The following NRXN3 variants were observed in gnomAD, a reference collection of about 807,000 sequenced individuals.
The protein encoded by NRXN3 is neurexin 3.
In NRXN3, 32 loss-of-function variants were observed where a neutral mutation model predicts 137.6. The ratio of observed to expected loss-of-function variants is 0.23; its 90% CI spans 0.18 to 0.31. The LOEUF (loss-of-function observed/expected upper bound fraction) is 0.31, where lower values mean the gene tolerates loss of function less well. Ranked by LOEUF, NRXN3 falls within the 10% of genes least tolerant of loss-of-function variation. The pLI, the probability that NRXN3 is intolerant of heterozygous loss-of-function variation, is 1.00. For synonymous variants in NRXN3, 798 were observed against 784.5 expected (o/e 1.02, Z -0.29); for missense variants, 1,574 against 2,062.5 (o/e 0.76, Z 4.59).
At chr14:78,956,441 C>A (rs2099396936) in intron 10 of NRXN3, among the ~76,000 whole-genome samples, 1 of 152,148 alleles carries the variant, frequency 6.6e-6, no homozygotes, top group African/African-American at 2.4e-5. Context: ...TCACTTGAAC[C>A]TTAGCTTGAG....
At chr14:79,023,237 G>T (rs940433655) in intron 15 of NRXN3, among the ~76,000 whole-genome samples, 1 of 151,654 alleles carries the variant, frequency 6.6e-6, no homozygotes, top group African/African-American at 2.4e-5. Context: ...TGGGGGTTTG[G>T]TGTACTTCTT....
rs570679838 is a variant in NRXN3 at position 78,181,677 on chromosome 14, G to C, written c.-704+11003G>C. Among the ~76,000 whole-genome samples, 223 of 152,266 alleles carry C rather than the reference G, an allele frequency of 1.5e-3. 2 individuals are homozygous for C. Among genetic ancestry groups the C allele is most frequent in the African/African-American group, 5.2e-3 (217 of 41,536 alleles). ...ATCAGAGTAAATCTCCGCACAACTT[G>C]AGTGTTCAGGAGCCTGTCAGCAGCA... On this transcript the variant is annotated intron_variant, in intron 1 of 20. Transcript: ENST00000335750.
intron 4 of NRXN3, among the ~76,000 whole-genome samples, chr14:78,332,218 A>G (rs2080901617): frequency 6.6e-6 from 1 of 151,996 alleles, no homozygotes. Context: ...CTCGATAAAT[A>G]TCTTTTCCCT....
chr14:79,764,221 A>G (rs568793301), intron 19 of NRXN3, among the ~76,000 whole-genome samples: 142 of 152,128 alleles, frequency 9.3e-4, no homozygotes, highest in African/African-American at 3.4e-3. Flanking sequence ...AACAGGGAAC[A>G]TCTGCCCTCA....
At chr14:78,371,643 G>C (rs889334895) in intron 4 of NRXN3, among the ~76,000 whole-genome samples, 1 of 152,164 alleles carries the variant, frequency 6.6e-6, no homozygotes, top group African/African-American at 2.4e-5. Context: ...GAGCCCAAAA[G>C]TGCTCACCCT....
chr14:78,816,940 G>A (rs1386152008), intron 10 of NRXN3, among the ~76,000 whole-genome samples: 1 of 152,092 alleles, frequency 6.6e-6, no homozygotes, highest in Non-Finnish European at 1.5e-5. Context: ...AGGGATCATT[G>A]TCATTCATGA....
chr14:78,577,695 C>T (rs1490882220), intron 4 of NRXN3, among the ~76,000 whole-genome samples: 4 of 152,112 alleles, frequency 2.6e-5, no homozygotes, highest in South Asian at 4.1e-4. Flanking sequence ...GAACTCCTGA[C>T]CTCAGGTGAT....
intron 4 of NRXN3, among the ~76,000 whole-genome samples, chr14:78,475,100 C>A (rs1258211675): frequency 6.6e-6 from 1 of 152,088 alleles, no homozygotes; most frequent in East Asian, 1.9e-4. Flanking sequence ...AAGAGTTTAA[C>A]CGATAGAGTG....
chr14:78,461,639 G>A (rs1485969401), intron 4 of NRXN3, among the ~76,000 whole-genome samples: 1 of 152,202 alleles, frequency 6.6e-6, no homozygotes, highest in Non-Finnish European at 1.5e-5. Flanking sequence ...GAGCCCTGAT[G>A]TAAGTAGAGA....
chr14:78,448,524 C>G (rs1349615624), intron 4 of NRXN3, among the ~76,000 whole-genome samples: 1 of 152,138 alleles, frequency 6.6e-6, no homozygotes, highest in Non-Finnish European at 1.5e-5. Context: ...GCAGTTTTTC[C>G]TAGGCTAGTC....
At chr14:78,293,895 G>C (rs1048950571) in intron 3 of NRXN3, among the ~76,000 whole-genome samples, 1 of 152,174 alleles carries the variant, frequency 6.6e-6, no homozygotes, top group East Asian at 1.9e-4. Context: ...CATGTACCTG[G>C]CAGTGTCCTG....
intron 8 of NRXN3, among the ~76,000 whole-genome samples, chr14:78,726,849 G>A (rs184365011): frequency 6.6e-6 from 1 of 150,950 alleles, no homozygotes; most frequent in African/African-American, 2.4e-5. Flanking sequence ...TGTATAATAC[G>A]GTGGCATAAA....
intron 15 of NRXN3, among the ~76,000 whole-genome samples, chr14:79,192,143 T>G (rs1172081186): frequency 3.9e-5 from 6 of 152,174 alleles, no homozygotes; most frequent in Non-Finnish European, 8.8e-5. Context: ...CACCTCGGCC[T>G]CCCAAAGTGC....
At chr14:78,248,345 A>C (rs1189230959) in intron 2 of NRXN3, among the ~76,000 whole-genome samples, 2 of 116,110 alleles carry the variant, frequency 1.7e-5, no homozygotes. Context: ...TCTGAAGCTC[A>C]GATCCTACTC....
At chr14:78,895,723 A>G (rs2099171585) in intron 10 of NRXN3, among the ~76,000 whole-genome samples, 1 of 151,866 alleles carries the variant, frequency 6.6e-6, no homozygotes, top group Admixed American at 6.6e-5. Flanking sequence ...GAAGTTAGAG[A>G]TATGAGACTC....
chr14:79,647,627 T>C lies in NRXN3; in HGVS notation c.3445-16151T>C, dbSNP rs1267996726. 2.9e-5 allele frequency among the ~76,000 whole-genome samples: 4 copies of C among 135,700 alleles called. No individual in the cohort carries two copies. In the East Asian group the frequency reaches 5.9e-4, roughly 20 times the overall value. 89.0% of individuals were successfully genotyped at this position (135,700 alleles called of 152,430 possible). ...GATTTTGTTGTTGAGCCACAGTTTA[T>C]GAAAAGTGCATTAAAACCTCGAGCC... On this transcript the variant is annotated intron_variant, in intron 16 of 20. Transcript: ENST00000335750.
chr14:78,598,321 A>C (rs1385991449), intron 4 of NRXN3, among the ~76,000 whole-genome samples: 1 of 151,532 alleles, frequency 6.6e-6, no homozygotes. Context: ...ACTGACTGCC[A>C]AGGGGGCTCG....
intron 16 of NRXN3, among the ~76,000 whole-genome samples, chr14:79,534,993 A>C (rs1567418580): frequency 6.6e-6 from 1 of 152,204 alleles, no homozygotes; most frequent in Non-Finnish European, 1.5e-5. Context: ...GCAACCTTAC[A>C]TTTAAAGAAA....
At chr14:79,713,128 G>C (rs1414851955) in intron 19 of NRXN3, among the ~76,000 whole-genome samples, 2 of 140,736 alleles carry the variant, frequency 1.4e-5, no homozygotes, top group African/African-American at 5.3e-5. Flanking sequence ...TGACATCACA[G>C]TTTGGTGTCT....
Sources: allele counts gnomAD v4.1 joint callset (sites outside exome capture counted in the v4.1 genomes callset), GRCh38; gene constraint gnomAD v4.1.1; transcripts MANE v1.5; gene names NCBI Gene and HGNC (gene_info 2026-07-23, HGNC 2026-07-21).